Variants in GABRA3 observed in about 807,000 individuals in gnomAD.
GABRA3 encodes gamma-aminobutyric acid receptor subunit alpha-3.
GABRA3 carries 10 observed loss-of-function variants against 30.1 expected under a neutral mutation model. The observed-to-expected ratio is 0.33, with a 90% CI of 0.20 to 0.56. The LOEUF (loss-of-function observed/expected upper bound fraction) is 0.56. Among genes scored for constraint, GABRA3 ranks in the 20% least tolerant of loss-of-function variants. The pLI is 0.89. For missense variants in GABRA3, 233 were observed against 392.0 expected (o/e 0.59, Z 3.42); for synonymous variants, 151 against 146.8 (o/e 1.03, Z -0.21).
intron 6 of GABRA3, among the ~76,000 whole-genome samples, chrX:152,212,213 G>C (rs1199146647): frequency 2.2e-5 from 2 of 92,748 alleles, no homozygotes; most frequent in African/African-American, 8.1e-5. Context: ...AAGCCCAGGA[G>C]TTCAAGGCTA....
At chrX:152,227,747 T>C (rs895165362) in intron 5 of GABRA3, among the ~76,000 whole-genome samples, 4 of 109,729 alleles carry the variant, frequency 3.6e-5, no homozygotes, top group Admixed American at 9.8e-5. Context: ...GAGGGACATA[T>C]TGCAGACATT....
chrX:152,259,630 G>A (rs899779549), intron 4 of GABRA3, among the ~76,000 whole-genome samples: 19 of 110,787 alleles, frequency 1.7e-4, no homozygotes, highest in Admixed American at 6.7e-4. Context: ...GAAACACAGC[G>A]GGTCAGAAGG....
chrX:152,249,705 A>G (rs1365298961), intron 5 of GABRA3, among the ~76,000 whole-genome samples: 7 of 110,639 alleles, frequency 6.3e-5, no homozygotes, highest in African/African-American at 2.3e-4. Context: ...CCTGCACTGT[A>G]CTCTGGTCCA....
At chrX:152,316,153 T>C (rs1248429277) in intron 3 of GABRA3, among the ~76,000 whole-genome samples, 1 of 109,945 alleles carries the variant, frequency 9.1e-6, no homozygotes, top group African/African-American at 3.3e-5. Context: ...GGTGCAGGCA[T>C]CCATGACTGA....
intron 3 of GABRA3, among the ~76,000 whole-genome samples, chrX:152,312,568 G>A (rs748458794): frequency 3.8e-4 from 42 of 111,977 alleles, no homozygotes; most frequent in African/African-American, 1.3e-3. Flanking sequence ...TCTGGACATA[G>A]GACCTGGCAA....
At chrX:152,173,039 G>A (rs1011236563) in intron 9 of GABRA3, among the ~76,000 whole-genome samples, 5 of 111,273 alleles carry the variant, frequency 4.5e-5, no homozygotes, top group African/African-American at 1.6e-4. Flanking sequence ...CTAGTTTAGT[G>A]AGGAAGGTTA....
chrX:152,280,018 T>A lies in GABRA3; in HGVS notation c.330+4650A>T, dbSNP rs1012795193. Among the ~76,000 whole-genome samples, 7 of 111,261 alleles carry A rather than the reference T, an allele frequency of 6.3e-5. 1 individual carries two copies. The highest frequency in any genetic ancestry group is 5.8e-4 in the Admixed American group (6 of 10,412). ...AGCTTAAGGAGATTTTGGGCTGAGA[T>A]GATGGGGTTTTCTAGATATACAAGC... On this transcript the variant is annotated intron_variant, in intron 4 of 9. Coordinates refer to ENST00000370314, the MANE Select transcript of GABRA3 (RefSeq NM_000808.4).
chrX:152,312,002 C>T (rs766123342), intron 3 of GABRA3, among the ~76,000 whole-genome samples: 13 of 111,441 alleles, frequency 1.2e-4, no homozygotes, highest in African/African-American at 1.9e-4. Context: ...CAGCTAACCA[C>T]GGAGGTAAAA....
At chrX:152,217,877 G>A (rs1937757799) in intron 6 of GABRA3, among the ~76,000 whole-genome samples, 1 of 109,437 alleles carries the variant, frequency 9.1e-6, no homozygotes, top group Non-Finnish European at 1.9e-5. Context: ...CGTCTGTCTG[G>A]TGAAAGGTTT....
intron 4 of GABRA3, among the ~76,000 whole-genome samples, chrX:152,258,157 T>C (rs1205074130): frequency 9.0e-6 from 1 of 111,604 alleles, no homozygotes; most frequent in African/African-American, 3.3e-5. Flanking sequence ...GTAGTGATTA[T>C]GAAAAAAACT....
At chrX:152,337,570 T>TGTAATCCC (rs1387573865) in intron 3 of GABRA3, among the ~76,000 whole-genome samples, 1 of 111,946 alleles carries the variant, frequency 8.9e-6, no homozygotes, top group East Asian at 2.8e-4. Flanking sequence ...GACTCACAAC[T>TGTAATCCC]GTAATCCCAG....
intron 5 of GABRA3, among the ~76,000 whole-genome samples, chrX:152,225,054 C>A (rs1000653570): frequency 1.1e-4 from 12 of 110,055 alleles, no homozygotes; most frequent in Admixed American, 2.0e-4. Context: ...TGGATCATAT[C>A]ATCATATCTG....
chrX:152,226,045 C>A (rs192184352), intron 5 of GABRA3, among the ~76,000 whole-genome samples: 9 of 111,116 alleles, frequency 8.1e-5, no homozygotes, highest in African/African-American at 2.6e-4. Flanking sequence ...CACTTCTATG[C>A]AATTACCAAA....
At chrX:152,345,201 T>A (rs750534582) in intron 3 of GABRA3, among the ~76,000 whole-genome samples, 1 of 111,325 alleles carries the variant, frequency 9.0e-6, no homozygotes, top group Non-Finnish European at 1.9e-5. Context: ...GAGGGAGAGA[T>A]GCTCCTCAAC....
At chrX:152,191,854 C>T (rs1261410051) in intron 8 of GABRA3, among the ~76,000 whole-genome samples, 1 of 111,648 alleles carries the variant, frequency 9.0e-6, no homozygotes, top group Non-Finnish European at 1.9e-5. Context: ...ACACATTTTA[C>T]GCCATGTGAG....
At chrX:152,245,153 T>A (rs1938443274) in intron 5 of GABRA3, among the ~76,000 whole-genome samples, 1 of 109,992 alleles carries the variant, frequency 9.1e-6, no homozygotes, top group African/African-American at 3.3e-5. Flanking sequence ...TGGAATTCAG[T>A]ATGAGCCATA....
intron 2 of GABRA3, among the ~76,000 whole-genome samples, chrX:152,360,734 A>T (rs1336872243): frequency 3.3e-5 from 3 of 89,778 alleles, no homozygotes; most frequent in Non-Finnish European, 4.3e-5. Context: ...ATTAAAAAAA[A>T]AAATTAAAAA....
intron 1 of GABRA3, among the ~76,000 whole-genome samples, chrX:152,413,384 T>A (rs1603256579): frequency 9.0e-6 from 1 of 111,172 alleles, no homozygotes; most frequent in South Asian, 3.7e-4. Flanking sequence ...TAGGCAAATA[T>A]CCTTCATGAA....
chrX:152,293,162 C>A (rs752095572), intron 3 of GABRA3, among the ~76,000 whole-genome samples: 2 of 110,876 alleles, frequency 1.8e-5, no homozygotes, highest in African/African-American at 3.3e-5. Flanking sequence ...GTTAAAGTCT[C>A]CCACTATTAA....
Sources: gnomAD v4.1 joint callset for allele counts (sites outside exome capture counted in the v4.1 genomes callset) on GRCh38, gnomAD v4.1.1 for gene constraint, MANE v1.5 for transcripts, NCBI Gene and HGNC (gene_info 2026-07-23, HGNC 2026-07-21) for gene names.